NICN1: variants seen among roughly 807,000 people sequenced by gnomAD.
NICN1 encodes the protein nicolin-1.
NICN1 carries 18 observed loss-of-function variants against 26.3 expected under a neutral mutation model. That is an observed-to-expected ratio of 0.68 (90% CI 0.47 to 1.01). The LOEUF (loss-of-function observed/expected upper bound fraction) is 1.01. Among genes scored for constraint, NICN1 ranks in the 50% least tolerant of loss-of-function variants. NICN1 has a pLI of 0.00. For missense variants in NICN1, 239 were observed against 278.3 expected (o/e 0.86, Z 1.00); for synonymous variants, 109 against 111.0 (o/e 0.98, Z 0.11).
intron 1 of NICN1, among the ~76,000 whole-genome samples, chr3:49,427,656 A>G (rs2049185983): frequency 6.6e-6 from 1 of 151,900 alleles, no homozygotes; most frequent in Non-Finnish European, 1.5e-5. Context: ...AAAAAAAAAA[A>G]AAAAAAAGAA....
Position 49,422,482 on chromosome 3 carries a change from G to C in NICN1, c.*2351C>G, listed in dbSNP as rs771403409. 3 of 1,605,206 alleles carry C rather than the reference G, an allele frequency of 1.9e-6. No individual in the cohort carries two copies. The South Asian group carries it at 3.3e-5, about 18-fold the overall frequency. On this transcript the variant is annotated 3_prime_UTR_variant, in exon 6 of 6. Coordinates refer to ENST00000273598, the MANE Select transcript of NICN1 (RefSeq NM_032316.3). ...CTGCAACGAGTGCAGACGGCGCACA[G>C]AGGCCACCACACTGCCAGGCACGCC...
chr3:49,424,810 A>C lies in NICN1; in HGVS notation c.*23T>G, dbSNP rs200380201. 6.9e-4 allele frequency: 1,117 copies of C among 1,611,530 alleles called. No homozygotes were observed. The highest frequency in any genetic ancestry group is 8.4e-4 in the Non-Finnish European group (984 of 1,177,690). On this transcript the variant is annotated 3_prime_UTR_variant, in exon 6 of 6. Transcript: ENST00000273598. ...AGTCTGGGTGGGCACAGAAAGGCCAACATCTTGGCTAGGAGCAACCATTCA... is the reference window on the plus strand; with the variant it reads ...AGTCTGGGTGGGCACAGAAAGGCCACCATCTTGGCTAGGAGCAACCATTCA...
chr3:49,425,187 G>C (rs1258843691), intron 4 of NICN1, 134 bp from the exon 5 acceptor site: 14 of 834,462 alleles, frequency 1.7e-5, no homozygotes, highest in Non-Finnish European at 2.6e-5. Context: ...TGAAACATGA[G>C]GTTAGGGCCT....
chr3:49,426,284 C>T lies in NICN1; in HGVS notation c.277G>A (p.Ala93Thr). ...LMPDPHSEEG[A>T]QEYVSLFKHQ... ...TTGAACAGCGATACATACTCCTGGG[C>T]TCCCTCCTCACTGTGTGGGTCAGGC... The change falls in exon 2 of 6, where the codon GCC becomes ACC. Residue 93 changes from alanine (A) to threonine (T), a missense_variant. Transcript: ENST00000273598. The T allele has an allele frequency of 6.2e-7, 1 of 1,614,206 alleles. No individual in the cohort carries two copies. The highest frequency in any genetic ancestry group is 8.5e-7 in the Non-Finnish European group (1 of 1,180,032).
chr3:49,429,051 G>A (rs2107944063), intron 1 of NICN1, 57 bp downstream of exon 1: 2 of 1,504,750 alleles, frequency 1.3e-6, no homozygotes, highest in Non-Finnish European at 1.8e-6. Flanking sequence ...GGAAACGACC[G>A]AGATTCCAGG....
In NICN1 at chr3:49,426,003, C is replaced by G; in HGVS notation, c.310-7G>C. On this transcript the variant is annotated splice_region_variant and splice_polypyrimidine_tract_variant and intron_variant, in intron 2 of 5. Transcript: ENST00000273598. The stretch of plus-strand genomic sequence containing the variant: ...TAGCCATGTCACACAGCATCTGACA[C>G]ACACACACAAGGACCCAGCAAGGAT... The G allele has an allele frequency of 6.4e-7, 1 of 1,568,896 alleles. No individual in the cohort carries two copies. The highest frequency in any genetic ancestry group is 8.8e-7 in the Non-Finnish European group (1 of 1,140,390).
Position 49,422,641 on chromosome 3 carries a change from A to C in NICN1, c.*2192T>G, listed in dbSNP as rs1437291467. 7 of 716,608 alleles carry C rather than the reference A, an allele frequency of 9.8e-6. No individual in the cohort carries two copies. Among genetic ancestry groups the C allele is most frequent in the Non-Finnish European group, 1.7e-5 (7 of 400,272 alleles). 44.4% of individuals were successfully genotyped at this position (716,608 alleles called of 1,614,324 possible). A position where few individuals can be genotyped will look rare whatever the true frequency, so the allele number is the denominator to read the frequency against. On this transcript the variant is annotated 3_prime_UTR_variant, in exon 6 of 6. Coordinates refer to ENST00000273598, the MANE Select transcript of NICN1 (RefSeq NM_032316.3). Reference sequence around the variant, plus strand: ...CAGGAACCCGCAACCACAGGGAAGAAGCCTCCAGCTCTTTCGGCTGACTCT... The same window carrying C: ...CAGGAACCCGCAACCACAGGGAAGACGCCTCCAGCTCTTTCGGCTGACTCT...
intron 4 of NICN1, 151 bp from the exon 5 acceptor site, chr3:49,425,204 GC>G: frequency 1.2e-6 from 1 of 817,300 alleles, no homozygotes. Flanking sequence ...GCCTGATGTA[GC>G]CCCACAACAG....
Position 49,424,573 on chromosome 3 carries a change from A to G in NICN1, c.*260T>C, listed in dbSNP as rs2049155250. ...AGAGGGCACTCAGGGATTCTCAGTAAGTACAACTGACTGGAGTGTTTTTGG... is the reference window on the plus strand; with the variant it reads ...AGAGGGCACTCAGGGATTCTCAGTAGGTACAACTGACTGGAGTGTTTTTGG... On this transcript the variant is annotated 3_prime_UTR_variant, in exon 6 of 6. Transcript: ENST00000273598. The G allele has an allele frequency of 1.7e-6, 1 of 590,402 alleles. No homozygotes were observed. Among genetic ancestry groups the G allele is most frequent in the Non-Finnish European group, 3.0e-6 (1 of 331,658 alleles). 36.6% of individuals were successfully genotyped at this position (590,402 alleles called of 1,614,324 possible).
In NICN1 at chr3:49,429,294, C is replaced by A; in HGVS notation, c.-55G>T. ...GCCGCTCTAGGCCCCCGACCACCAG[C>A]CCTTCCCGGCATCCTCAGCCGAGCC... On this transcript the variant is annotated 5_prime_UTR_variant, in exon 1 of 6. Coordinates refer to ENST00000273598, the MANE Select transcript of NICN1 (RefSeq NM_032316.3). 1 of 1,523,360 alleles carries A rather than the reference C, an allele frequency of 6.6e-7. No individual in the cohort carries two copies. The allele number at this position is 1,523,360 out of a possible 1,614,324, so 94.4% of individuals were successfully genotyped here.
chr3:49,428,765 C>A (rs2049195059), intron 1 of NICN1, among the ~76,000 whole-genome samples: 1 of 151,198 alleles, frequency 6.6e-6, no homozygotes, highest in Admixed American at 6.6e-5. Context: ...TGGGGTAAAT[C>A]ATTGCTTAGC....
At position 49,426,415 on chromosome 3, in the gene NICN1, G is replaced by A. The variant is rs759726662; in HGVS notation, c.146C>T (p.Thr49Met). The A allele has an allele frequency of 3.1e-6, 5 of 1,613,858 alleles. No individual in the cohort carries two copies. Among genetic ancestry groups the A allele is most frequent in the Admixed American group, 1.7e-5 (1 of 59,978 alleles). ...AAAAGCTGTGTAGTAATTCTTAAAC[G>A]TGATTTCCTGCAACTAGAACACATA... Reference protein sequence around the residue: ...SVAPFELQEITFKNYYTAFLS... With the variant: ...SVAPFELQEIMFKNYYTAFLS... Residue 49 changes from threonine (T) to methionine (M), a missense_variant, in exon 2 of 6, where the codon ACG (threonine) becomes ATG (methionine). By Grantham distance (81) the Thr-to-Met change is moderately conservative (BLOSUM62 -1). Transcript: ENST00000273598.
rs1230934418 is a variant in NICN1 at position 49,424,985 on chromosome 3, C to A, written c.564G>T (p.Arg188=). 6.2e-7 allele frequency: 1 copy of A among 1,614,082 alleles called. No individual in the cohort carries two copies. Among genetic ancestry groups the A allele is most frequent in the Non-Finnish European group, 8.5e-7 (1 of 1,180,008 alleles). ...QQMWALTEMI[R]ASHTSARIGR... Reference sequence around the variant, plus strand: ...CGATCCTTGCGGAGGTGTGACTGGCCCGGATCATCTCTGTCAGTGCCCACA... The same window carrying A: ...CGATCCTTGCGGAGGTGTGACTGGCACGGATCATCTCTGTCAGTGCCCACA... Residue 188 remains arginine (R), a synonymous_variant, in exon 5 of 6, where the codon CGG becomes CGT. Coordinates refer to ENST00000273598, the MANE Select transcript of NICN1 (RefSeq NM_032316.3).
Position 49,422,727 on chromosome 3 carries a change from A to T in NICN1, c.*2106T>A, listed in dbSNP as rs1412286257. The T allele has an allele frequency of 1.7e-6, 1 of 578,606 alleles. No homozygotes were observed. Among genetic ancestry groups the T allele is most frequent in the Admixed American group, 2.6e-5 (1 of 38,958 alleles). 35.8% of individuals were successfully genotyped at this position (578,606 alleles called of 1,614,324 possible). Reference sequence around the variant, plus strand: ...TGCCCAGAACAAAGCTAGGGGCTAGACCGCCCCCTGCAGAACCGCCCTGTC... The same window carrying T: ...TGCCCAGAACAAAGCTAGGGGCTAGTCCGCCCCCTGCAGAACCGCCCTGTC... On this transcript the variant is annotated 3_prime_UTR_variant, in exon 6 of 6. Transcript: ENST00000273598.
intron 1 of NICN1, among the ~76,000 whole-genome samples, chr3:49,428,510 T>C (rs1575313474): frequency 6.6e-6 from 1 of 151,876 alleles, no homozygotes; most frequent in Non-Finnish European, 1.5e-5. Flanking sequence ...TCACCTGAGG[T>C]CGGGAGTTCC....
chr3:49,425,032 C>A lies in NICN1; in HGVS notation c.517G>T (p.Val173Leu), dbSNP rs2049159888. 1 of 1,614,040 alleles carries A rather than the reference C, an allele frequency of 6.2e-7. No homozygotes were observed. Among genetic ancestry groups the A allele is most frequent in the Admixed American group, 1.7e-5 (1 of 60,026 alleles). ...LREGLPDPSR[V>L]SSEVQQMWAL... Reference sequence around the variant, plus strand: ...CACATCTGCTGCACCTCGGAGGATACCCTGCTGGGGTCTGGGAGACCCTGC... The same window carrying A: ...CACATCTGCTGCACCTCGGAGGATAACCTGCTGGGGTCTGGGAGACCCTGC... Residue 173 changes from valine (V) to leucine (L), a missense_variant, in exon 5 of 6, where the codon GTA (valine) becomes TTA (leucine). Physicochemically the swap from Val to Leu is conservative, Grantham distance 32 (BLOSUM62 1). Transcript: ENST00000273598.
chr3:49,427,614 G>T (rs2049185081), intron 1 of NICN1, among the ~76,000 whole-genome samples: 1 of 141,036 alleles, frequency 7.1e-6, no homozygotes, highest in South Asian at 2.2e-4. Context: ...CTGTACTCCA[G>T]CCTGGGTGAC....
chr3:49,424,882 ACAAAAGACCAT>A lies in NICN1; in HGVS notation c.601-19_601-9del, dbSNP rs2049158141. ...GTCATAACAGCCATCCACCTGAAATACAAAAGACCATCAGGTCTGATCTGCTCAGGGCAAAG... is the reference window on the plus strand; with the variant it reads ...GTCATAACAGCCATCCACCTGAAATACAGGTCTGATCTGCTCAGGGCAAAG... On this transcript the variant is annotated splice_polypyrimidine_tract_variant and intron_variant, in intron 5 of 5. Transcript: ENST00000273598. 1 of 1,613,588 alleles carries A rather than the reference ACAAAAGACCAT, an allele frequency of 6.2e-7. No homozygotes were observed. The highest frequency in any genetic ancestry group is 8.5e-7 in the Non-Finnish European group (1 of 1,179,668).
In NICN1 at chr3:49,427,750, C is replaced by T. The variant is rs529120293; in HGVS notation, c.133-1322G>A. Among the ~76,000 whole-genome samples, 17 of 152,080 alleles carry T rather than the reference C, an allele frequency of 1.1e-4. No homozygotes were observed. In the South Asian group the frequency reaches 3.3e-3, roughly 30 times the overall value. On this transcript the variant is annotated intron_variant, in intron 1 of 5. Transcript: ENST00000273598. ...TGTGCCACTGGAACAGCCAGTGATT[C>T]AGCTTGACTACTGCAGTGGATCTTG...
Sources: gnomAD v4.1 joint callset for allele counts (sites outside exome capture counted in the v4.1 genomes callset) on GRCh38, gnomAD v4.1.1 for gene constraint, MANE v1.5 for transcripts, NCBI Gene and HGNC (gene_info 2026-07-23, HGNC 2026-07-21) for gene names.